CARM1: variants seen among roughly 807,000 people sequenced by gnomAD.
The protein encoded by CARM1 is histone-arginine methyltransferase CARM1.
In CARM1, 14 loss-of-function variants were observed where a neutral mutation model predicts 72.7. That is an observed-to-expected ratio of 0.19 (90% confidence interval 0.13 to 0.30). The LOEUF is 0.30. CARM1 is among the 10% of genes least tolerant of loss of function. The pLI is 1.00. For missense variants in CARM1, 432 were observed against 833.7 expected (o/e 0.52, Z 5.93); for synonymous variants, 333 against 345.5 (o/e 0.96, Z 0.40).
At position 10,921,540 on chromosome 19, in the gene CARM1, T is replaced by C. The variant is rs1047722071; in HGVS notation, c.1685-75T>C. On this transcript the variant is annotated intron_variant, in intron 15 of 15. Coordinates refer to ENST00000327064, the MANE Select transcript of CARM1 (RefSeq NM_199141.2). ...GCCCGCCTGCCCTCTTGCCTGCCCT[T>C]TCTCTCTCTCTGTGACTCTGCCTGG... 25 of 1,566,940 alleles carry C rather than the reference T, an allele frequency of 1.6e-5. No homozygotes were observed. In the African/African-American group the frequency reaches 2.7e-4, roughly 17 times the overall value.
At chr19:10,886,447 C>T (rs895731355) in intron 1 of CARM1, among the ~76,000 whole-genome samples, 1 of 152,150 alleles carries the variant, frequency 6.6e-6, no homozygotes, top group African/African-American at 2.4e-5. Context: ...CCTCCCACCT[C>T]GACCACCCAA....
At chr19:10,904,498 G>A (rs763693491) in intron 1 of CARM1, among the ~76,000 whole-genome samples, 6 of 152,242 alleles carry the variant, frequency 3.9e-5, no homozygotes, top group Non-Finnish European at 5.9e-5. Flanking sequence ...GAGGCTGAGG[G>A]ACATGCCTGT....
In CARM1 at chr19:10,871,732, G is replaced by GGGCGCGGGC. The variant is rs2073819288; in HGVS notation, c.39_47dup (p.Gly14_Gly16dup). 9.9e-7 allele frequency: 1 copy of GGGCGCGGGC among 1,007,372 alleles called. No individual in the cohort carries two copies. Among genetic ancestry groups the GGGCGCGGGC allele is most frequent in the Non-Finnish European group, 1.2e-6 (1 of 841,770 alleles). The allele number at this position is 1,007,372 out of a possible 1,614,324, so 62.4% of individuals were successfully genotyped here. On this transcript the variant is annotated inframe_insertion, in exon 1 of 16. Transcript: ENST00000327064. The surrounding 1 kb of genome is among the most constrained non-coding windows in gnomAD (Gnocchi z 5.6). Reference sequence around the variant, plus strand: ...CAGCGGCGGCGGCGGCGGTGGGGCCGGGCGCGGGCGGCGCGGGGTCGGCGG... The same window carrying GGGCGCGGGC: ...CAGCGGCGGCGGCGGCGGTGGGGCCGGGCGCGGGCGGCGCGGGCGGCGCGGGGTCGGCGG...
intron 1 of CARM1, among the ~76,000 whole-genome samples, chr19:10,875,594 CT>C (rs1383739991): frequency 2.0e-5 from 3 of 151,724 alleles, no homozygotes; most frequent in African/African-American, 7.3e-5. Context: ...CCGGCTAATT[CT>C]TTGTATTTTT....
intron 2 of CARM1, among the ~76,000 whole-genome samples, chr19:10,906,861 C>CTTTAT (rs58330229): frequency 0.32 from 36,151 of 114,674 alleles, 6,758 homozygotes; most frequent in South Asian, 0.35. Flanking sequence ...ATAAATATAG[C>CTTTAT]TTTATTTTAT....
In CARM1 at chr19:10,902,296, T is replaced by TC. The variant is rs1204562597; in HGVS notation, c.221-2655_221-2654insC. The stretch of plus-strand genomic sequence containing the variant: ...TACAAAATAATTGTTGTTTCTTTTT[T>TC]TTTTTTTTTTTTTTTGAGACGGAGT... On this transcript the variant is annotated intron_variant, in intron 1 of 15. Transcript: ENST00000327064. Among the ~76,000 whole-genome samples, 27 of 146,506 alleles carry TC rather than the reference T, an allele frequency of 1.8e-4. 1 individual carries two copies. The highest frequency in any genetic ancestry group is 1.8e-3 in the Admixed American group (27 of 14,744).
At chr19:10,882,534 CTT>C (rs869046901) in intron 1 of CARM1, among the ~76,000 whole-genome samples, 17 of 85,960 alleles carry the variant, frequency 2.0e-4, no homozygotes, top group Admixed American at 9.7e-4. Flanking sequence ...TGCACTCTGT[CTT>C]TTTTTTTTTT....
intron 4 of CARM1, among the ~76,000 whole-genome samples, chr19:10,910,518 T>TCATC (rs978137500): frequency 1.3e-5 from 2 of 151,614 alleles, no homozygotes; most frequent in Admixed American, 1.3e-4. Flanking sequence ...TATTCCCTTC[T>TCATC]CATCCCATTT....
intron 1 of CARM1, among the ~76,000 whole-genome samples, chr19:10,874,389 T>TA (rs2073846855): frequency 6.6e-6 from 1 of 152,018 alleles, no homozygotes; most frequent in African/African-American, 2.4e-5. Flanking sequence ...TTATTTTTTT[T>TA]ATTTTTATTT....
At chr19:10,905,167 C>T in intron 2 of CARM1, 91 bp downstream of exon 2, 2 of 1,488,106 alleles carry the variant, frequency 1.3e-6, no homozygotes. Context: ...GAGGGGTGGC[C>T]CGTGCATCCT....
intron 1 of CARM1, among the ~76,000 whole-genome samples, chr19:10,891,111 C>G (rs2073984883): frequency 6.6e-6 from 1 of 151,750 alleles, no homozygotes; most frequent in South Asian, 2.1e-4. Flanking sequence ...GTCCAGAACT[C>G]TCTCGGTGGC....
chr19:10,881,767 G>A (rs551196822), intron 1 of CARM1, among the ~76,000 whole-genome samples: 64 of 152,190 alleles, frequency 4.2e-4, no homozygotes, highest in Admixed American at 1.4e-3. Context: ...TGGACTCGCC[G>A]TCTCCATAGT....
intron 1 of CARM1, among the ~76,000 whole-genome samples, chr19:10,872,732 C>T (rs1555723651): frequency 1.3e-5 from 2 of 152,102 alleles, no homozygotes; most frequent in Admixed American, 1.3e-4. Context: ...CCCCCACCCC[C>T]GCTCCCAGTC....
At chr19:10,883,914 A>G (rs754094047) in intron 1 of CARM1, among the ~76,000 whole-genome samples, 1 of 150,192 alleles carries the variant, frequency 6.7e-6, no homozygotes, top group Non-Finnish European at 1.5e-5. Flanking sequence ...GCTACTTGGG[A>G]GGCTGAGGCA....
chr19:10,873,613 A>C (rs1212663984), intron 1 of CARM1, among the ~76,000 whole-genome samples: 1 of 112,430 alleles, frequency 8.9e-6, no homozygotes, highest in Non-Finnish European at 1.9e-5. Flanking sequence ...TTTTAGAACA[A>C]TTTTAGTTTA....
At position 10,914,074 on chromosome 19, in the gene CARM1, C is replaced by A; in HGVS notation, c.847+20C>A. ...CCAGCGGTGAGCACTGGGGGGTACACAGGCCAGGCCCCTCGGTGGAGGCCC... is the reference window on the plus strand; with the variant it reads ...CCAGCGGTGAGCACTGGGGGGTACAAAGGCCAGGCCCCTCGGTGGAGGCCC... On this transcript the variant is annotated intron_variant, in intron 6 of 15. Transcript: ENST00000327064. 2 of 1,596,482 alleles carry A rather than the reference C, an allele frequency of 1.3e-6. No individual in the cohort carries two copies. Among genetic ancestry groups the A allele is most frequent in the Non-Finnish European group, 1.7e-6 (2 of 1,172,928 alleles).
chr19:10,903,927 C>T (rs1568352459), intron 1 of CARM1, among the ~76,000 whole-genome samples: 1 of 152,266 alleles, frequency 6.6e-6, no homozygotes, highest in East Asian at 1.9e-4. Flanking sequence ...TGATCTCCAG[C>T]TCCTGGGTTC....
Position 10,912,097 on chromosome 19 carries a change from A to G in CARM1, c.559-87A>G, listed in dbSNP as rs2074155410. On this transcript the variant is annotated intron_variant, in intron 4 of 15. Transcript: ENST00000327064. The surrounding 1 kb of genome is among the most constrained non-coding windows in gnomAD (Gnocchi z 4.5). ...CATTGAGAGTGAAGACAGACGCCTC[A>G]TGATGTGCACATCCCTTATGATCAC... 1 of 943,352 alleles carries G rather than the reference A, an allele frequency of 1.1e-6. No individual in the cohort carries two copies. 58.4% of individuals were successfully genotyped at this position (943,352 alleles called of 1,614,324 possible). A position where few individuals can be genotyped will look rare whatever the true frequency, so the allele number is the denominator to read the frequency against.
intron 1 of CARM1, among the ~76,000 whole-genome samples, chr19:10,885,959 A>G (rs989488486): frequency 3.5e-5 from 5 of 143,880 alleles, no homozygotes; most frequent in African/African-American, 1.3e-4. Context: ...TTGCAACCTC[A>G]ACCTCCCAGG....
Sources: gnomAD v4.1 joint callset for allele counts (sites outside exome capture counted in the v4.1 genomes callset) on GRCh38, gnomAD v4.1.1 for gene constraint, Gnocchi (gnomAD v3.1) non-coding constraint, MANE v1.5 for transcripts, NCBI Gene and HGNC (gene_info 2026-07-23, HGNC 2026-07-21) for gene names.